The following SCUBE1 variants were observed in gnomAD, a reference collection of about 807,000 sequenced individuals.
SCUBE1 encodes signal peptide, CUB domain and EGF like domain containing 1.
A neutral mutation model predicts 124.4 loss-of-function variants in SCUBE1; 59 were observed. The ratio of observed to expected loss-of-function variants is 0.47; its 90% CI spans 0.38 to 0.59. The LOEUF (loss-of-function observed/expected upper bound fraction) is 0.59, where lower values mean the gene tolerates loss of function less well. Among genes scored for constraint, SCUBE1 ranks in the 20% least tolerant of loss-of-function variants. The pLI, the probability that SCUBE1 is intolerant of heterozygous loss-of-function variation, is 0.00. For synonymous variants in SCUBE1, 545 were observed against 550.9 expected (o/e 0.99, Z 0.15); for missense variants, 1,150 against 1,371.2 (o/e 0.84, Z 2.55).
chr22:43,203,968 C>A lies in SCUBE1; in HGVS notation c.*29G>T, dbSNP rs1336225094. 6 of 1,612,376 alleles carry A rather than the reference C, an allele frequency of 3.7e-6. No homozygotes were observed. The highest frequency in any genetic ancestry group is 5.1e-6 in the Non-Finnish European group (6 of 1,179,066). ...GCAGGTGCACCCTCCGCGGACCAGG[C>A]CACCCCCAGGCAGGGCCGCTCCCCC... On this transcript the variant is annotated 3_prime_UTR_variant, in exon 22 of 22. Transcript: ENST00000360835.
chr22:43,307,391 C>A (rs529175190), intron 3 of SCUBE1, among the ~76,000 whole-genome samples: 1 of 152,308 alleles, frequency 6.6e-6, no homozygotes, highest in South Asian at 2.1e-4. Context: ...GAGGAAAGGG[C>A]GGGATGGTTA....
chr22:43,201,528 G>A lies in SCUBE1; in HGVS notation c.*2469C>T, dbSNP rs925887029. On this transcript the variant is annotated 3_prime_UTR_variant, in exon 22 of 22. Coordinates refer to ENST00000360835, the MANE Select transcript of SCUBE1 (RefSeq NM_173050.5). The stretch of plus-strand genomic sequence containing the variant: ...ACATCCACTCCATCCAATCTGTTGA[G>A]GGCCCCAATAGAAAAGAAGGAGGAG... 21 of 151,980 alleles carry A rather than the reference G, an allele frequency of 1.4e-4. No individual in the cohort carries two copies. Among genetic ancestry groups the A allele is most frequent in the African/African-American group, 5.1e-4 (21 of 41,364 alleles). 9.4% of individuals were successfully genotyped at this position (151,980 alleles called of 1,614,324 possible).
intron 6 of SCUBE1, among the ~76,000 whole-genome samples, chr22:43,250,139 G>A (rs138799765): frequency 1.2e-4 from 18 of 152,338 alleles, no homozygotes; most frequent in South Asian, 2.1e-4. Flanking sequence ...TAAAAAATTC[G>A]CCTGAGCAAG....
chr22:43,287,967 G>A (rs1925209184), intron 4 of SCUBE1, among the ~76,000 whole-genome samples: 1 of 152,220 alleles, frequency 6.6e-6, no homozygotes, highest in African/African-American at 2.4e-5. Context: ...ACTGTGCTGT[G>A]TGCTTGCTCT....
At position 43,315,811 on chromosome 22, in the gene SCUBE1, T is replaced by C. The variant is rs530388075; in HGVS notation, c.349+4126A>G. On this transcript the variant is annotated intron_variant, in intron 3 of 21. Coordinates refer to ENST00000360835, the MANE Select transcript of SCUBE1 (RefSeq NM_173050.5). ...AATTAATCAGTGTAAACATAATCCA[T>C]TGTGAAAACAATGTTGTTGAGACAA... 8.6e-4 allele frequency among the ~76,000 whole-genome samples: 131 copies of C among 152,252 alleles called. 1 individual carries two copies. The South Asian group carries it at 1.0e-2, about 12-fold the overall frequency.
chr22:43,219,631 A>G (rs559150366), intron 14 of SCUBE1, among the ~76,000 whole-genome samples: 20 of 151,590 alleles, frequency 1.3e-4, no homozygotes, highest in African/African-American at 2.4e-4. Context: ...CTGCCACCAC[A>G]CCTGGCTAAT....
chr22:43,205,941 C>T (rs1415627820), intron 21 of SCUBE1, among the ~76,000 whole-genome samples: 2 of 113,058 alleles, frequency 1.8e-5, no homozygotes, highest in Admixed American at 1.7e-4. Flanking sequence ...TATATACACA[C>T]CACACACCCA....
At chr22:43,228,084 G>A (rs541136850) in intron 9 of SCUBE1, among the ~76,000 whole-genome samples, 3 of 152,304 alleles carry the variant, frequency 2.0e-5, no homozygotes, top group African/African-American at 2.4e-5. Context: ...TCTGTAGCCC[G>A]CCTCCAGAAG....
chr22:43,286,506 G>A (rs1461581543), intron 4 of SCUBE1, among the ~76,000 whole-genome samples: 3 of 152,094 alleles, frequency 2.0e-5, no homozygotes, highest in African/African-American at 7.2e-5. Context: ...ACCCAAAGCT[G>A]CTGGCAGCCA....
chr22:43,219,230 C>T (rs1333431361), intron 14 of SCUBE1, among the ~76,000 whole-genome samples: 1 of 152,100 alleles, frequency 6.6e-6, no homozygotes, highest in East Asian at 1.9e-4. Flanking sequence ...CTCTACTAGT[C>T]GCCACGAGAT....
At chr22:43,225,819 A>C (rs912516032) in intron 10 of SCUBE1, among the ~76,000 whole-genome samples, 1 of 151,864 alleles carries the variant, frequency 6.6e-6, no homozygotes, top group Non-Finnish European at 1.5e-5. Context: ...ACCCCCTAAC[A>C]CCCTCAATGA....
intron 12 of SCUBE1, 77 bp from the exon 13 acceptor site, chr22:43,221,366 G>A (rs1285194773): frequency 8.7e-6 from 7 of 802,152 alleles, no homozygotes; most frequent in East Asian, 2.5e-5. Context: ...GGGCTGCCAG[G>A]GGACAAATCC....
chr22:43,204,167 T>C lies in SCUBE1; in HGVS notation c.2815-18A>G. On this transcript the variant is annotated intron_variant, in intron 21 of 21. Transcript: ENST00000360835. The stretch of plus-strand genomic sequence containing the variant: ...TTCTTGTCCTGTAAGATAGAGTGGG[T>C]GGGAGGCAGGGGAGGCTTGGGGCCT... 1 of 1,611,542 alleles carries C rather than the reference T, an allele frequency of 6.2e-7. No individual in the cohort carries two copies. The highest frequency in any genetic ancestry group is 1.3e-5 in the African/African-American group (1 of 74,268).
chr22:43,238,625 T>C, intron 7 of SCUBE1: 1 of 642,202 alleles, frequency 1.6e-6, no homozygotes, highest in East Asian at 2.7e-5. Context: ...GTGGGACCTG[T>C]GTTCTCTCGA....
chr22:43,262,613 G>A (rs963229678), intron 5 of SCUBE1, 107 bp downstream of exon 5: 56 of 1,359,226 alleles, frequency 4.1e-5, no homozygotes, highest in African/African-American at 1.2e-4. Flanking sequence ...CACCCCATGG[G>A]GCTGGGGACC....
At position 43,210,172 on chromosome 22, in the gene SCUBE1, A is replaced by T; in HGVS notation, c.2452T>A (p.Tyr818Asn). Residue 818 changes from tyrosine to asparagine, a missense_variant, in exon 19 of 22, where the codon TAC (tyrosine) becomes AAC (asparagine). Coordinates refer to ENST00000360835, the MANE Select transcript of SCUBE1 (RefSeq NM_173050.5). This position sits in a 1 kb window ranked among gnomAD's most constrained non-coding sequence, Gnocchi z 4.5. The stretch of plus-strand genomic sequence containing the variant: ...CAGACGCATTCAGCGTTGGCTGGGT[A>T]GTCGCCAGGGTAGTTGGGGGACTCG... Reference protein sequence around the residue: ...YIESPNYPGDYPANAECVWHI... With the variant: ...YIESPNYPGDNPANAECVWHI... 1.2e-6 allele frequency: 2 copies of T among 1,607,132 alleles called. No homozygotes were observed. The highest frequency in any genetic ancestry group is 1.7e-6 in the Non-Finnish European group (2 of 1,176,804).
rs541257009 is a variant in SCUBE1, at chr22:43,265,871, G to C, written c.485-3026C>G. ...TCCCAGCACTTTGGGAGAGCGAGGC[G>C]GGGGGAATCACCTGAGGTCAGGAGC... On this transcript the variant is annotated intron_variant, in intron 4 of 21. Coordinates refer to ENST00000360835, the MANE Select transcript of SCUBE1 (RefSeq NM_173050.5). 7.5e-4 allele frequency among the ~76,000 whole-genome samples: 114 copies of C among 152,314 alleles called. 3 individuals carry two copies. The South Asian group carries it at 0.023, about 31-fold the overall frequency.
intron 3 of SCUBE1, among the ~76,000 whole-genome samples, chr22:43,306,644 A>G (rs1925980496): frequency 6.6e-6 from 1 of 152,160 alleles, no homozygotes; most frequent in East Asian, 1.9e-4. Flanking sequence ...CGAGCAGGTG[A>G]AGGGTCCTGA....
chr22:43,272,581 G>A (rs1372319417), intron 4 of SCUBE1: 3 of 152,242 alleles, frequency 2.0e-5, no homozygotes, highest in African/African-American at 7.2e-5. Flanking sequence ...GGCAGGCGCA[G>A]GCCTTTCTAC....
Sources: gnomAD v4.1 joint callset for allele counts (sites outside exome capture counted in the v4.1 genomes callset) on GRCh38, gnomAD v4.1.1 for gene constraint, Gnocchi (gnomAD v3.1) non-coding constraint, MANE v1.5 for transcripts, NCBI Gene and HGNC (gene_info 2026-07-23, HGNC 2026-07-21) for gene names.